Variants in PAX5 observed in about 807,000 individuals in gnomAD.
PAX5 encodes paired box protein Pax-5.
In PAX5, 9 loss-of-function variants were observed where a neutral mutation model predicts 43.7. That is an observed-to-expected ratio of 0.21 (90% CI 0.12 to 0.36). The LOEUF (loss-of-function observed/expected upper bound fraction) is 0.36. Ranked by LOEUF, PAX5 falls within the 10% of genes least tolerant of loss-of-function variation. The pLI, the probability that PAX5 is intolerant of heterozygous loss-of-function variation, is 1.00. For synonymous variants in PAX5, 228 were observed against 214.3 expected (o/e 1.06, Z -0.56); for missense variants, 383 against 532.7 (o/e 0.72, Z 2.77).
intron 8 of PAX5, among the ~76,000 whole-genome samples, chr9:36,877,596 C>T (rs888572761): frequency 6.6e-6 from 1 of 152,192 alleles, no homozygotes; most frequent in African/African-American, 2.4e-5. Context: ...AACATGCCAA[C>T]AGGCCCTCGG....
chr9:36,892,305 T>C (rs1261663528), intron 7 of PAX5, among the ~76,000 whole-genome samples: 1 of 152,220 alleles, frequency 6.6e-6, no homozygotes. Flanking sequence ...TATCTGACAC[T>C]AAGTTCTAAA....
chr9:36,840,598 C>T lies in PAX5; in HGVS notation c.1138G>A (p.Ala380Thr), dbSNP rs750525788. The T allele has an allele frequency of 7.6e-6, 12 of 1,582,256 alleles. No homozygotes were observed. The South Asian group carries it at 8.1e-5, about 11-fold the overall frequency. ...TAGGCAGTGGCGGCTGCAGGTGGGG[C>T]GGCTCCTCGGGCGGCAGCGCTATAA... ...YYYSAAARGA[A>T]PPAAATAYDR... The change falls in exon 10 of 10, where the codon GCC becomes ACC. Residue 380 changes from alanine (A) to threonine (T), a missense_variant. Ala to Thr is a moderately conservative substitution (Grantham distance 58). Around this residue, in one of 5 missense-constraint regions of PAX5, gnomAD observed 291 missense variants for 342.5 expected, o/e 0.85. Coordinates refer to ENST00000358127, the MANE Select transcript of PAX5 (RefSeq NM_016734.3).
chr9:36,917,434 C>T (rs896713926), intron 7 of PAX5, among the ~76,000 whole-genome samples: 5 of 152,226 alleles, frequency 3.3e-5, no homozygotes, highest in African/African-American at 4.8e-5. Context: ...GAATATGACC[C>T]AGTGTGGCCA....
intron 8 of PAX5, among the ~76,000 whole-genome samples, chr9:36,873,047 C>G (rs1371609276): frequency 1.3e-5 from 2 of 152,232 alleles, no homozygotes; most frequent in Non-Finnish European, 2.9e-5. Context: ...CCTTACCCAA[C>G]AATATCCCTC....
chr9:36,846,172 T>C (rs564615061), intron 9 of PAX5, among the ~76,000 whole-genome samples: 58 of 152,358 alleles, frequency 3.8e-4, no homozygotes, highest in Middle Eastern at 6.8e-3. Context: ...CTTGGCCTTT[T>C]GAAAGCTGAG....
At chr9:37,007,478 G>T (rs4880051) in intron 3 of PAX5, 91,295 of 152,022 alleles carry the variant, frequency 0.6, 27,726 homozygotes, top group Middle Eastern at 0.78. Context: ...GTTTGTAGAC[G>T]TCCAGCAAGG....
rs544618544 is a variant in PAX5, at chr9:37,034,047, C to T, written c.-16G>A. On this transcript the variant is annotated 5_prime_UTR_variant, in exon 1 of 10. Transcript: ENST00000358127. ...CTAAATCCATTTTGATTTTTCAGGA[C>T]TTGATGGAATGGACAGGGAAAAGTT... 18 of 1,495,048 alleles carry T rather than the reference C, an allele frequency of 1.2e-5. No individual in the cohort carries two copies. The Admixed American group carries it at 2.6e-4, about 22-fold the overall frequency. The allele number at this position is 1,495,048 out of a possible 1,614,324, so 92.6% of individuals were successfully genotyped here. A position where few individuals can be genotyped will look rare whatever the true frequency, so the allele number is the denominator to read the frequency against.
At chr9:36,995,988 G>A (rs570115724) in intron 5 of PAX5, among the ~76,000 whole-genome samples, 23 of 152,334 alleles carry the variant, frequency 1.5e-4, no homozygotes, top group Non-Finnish European at 2.8e-4. Context: ...AAAGTGAGTG[G>A]CCCTTCATTC....
chr9:37,027,620 C>A (rs1205796052), intron 1 of PAX5, among the ~76,000 whole-genome samples: 1 of 152,214 alleles, frequency 6.6e-6, no homozygotes, highest in East Asian at 1.9e-4. Context: ...CCGCCGCCGC[C>A]GTCGCTAGCC....
chr9:36,837,440 G>A lies in PAX5; in HGVS notation c.*3120C>T. 1 of 233,308 alleles carries A rather than the reference G, an allele frequency of 4.3e-6. No homozygotes were observed. The highest frequency in any genetic ancestry group is 6.0e-5 in the East Asian group (1 of 16,586). 14.5% of individuals were successfully genotyped at this position (233,308 alleles called of 1,614,324 possible). A position where few individuals can be genotyped will look rare whatever the true frequency, so the allele number is the denominator to read the frequency against. On this transcript the variant is annotated 3_prime_UTR_variant, in exon 10 of 10. Transcript: ENST00000358127. Reference sequence around the variant, plus strand: ...AAATCCACAATGTCCTTTTCCAAAAGTCAGAGCTCGAACACAGGGAAGAAG... The same window carrying A: ...AAATCCACAATGTCCTTTTCCAAAAATCAGAGCTCGAACACAGGGAAGAAG...
chr9:36,836,162 T>A lies in PAX5; in HGVS notation c.*4398A>T, dbSNP rs2131552107. On this transcript the variant is annotated 3_prime_UTR_variant, in exon 10 of 10. Coordinates refer to ENST00000358127, the MANE Select transcript of PAX5 (RefSeq NM_016734.3). ...CACATCTGAGTCTCTTCCCTGCACA[T>A]GTGAAAGGTGCCCAAGCAGCACTGA... is the stretch of plus-strand genomic sequence containing the variant. The A allele has an allele frequency of 4.3e-6, 1 of 233,478 alleles. No homozygotes were observed. Among genetic ancestry groups the A allele is most frequent in the South Asian group, 1.8e-4 (1 of 5,528 alleles). The allele number at this position is 233,478 out of a possible 1,614,324, so 14.5% of individuals were successfully genotyped here. A position where few individuals can be genotyped will look rare whatever the true frequency, so the allele number is the denominator to read the frequency against.
intron 8 of PAX5, among the ~76,000 whole-genome samples, chr9:36,858,864 G>T (rs575628398): frequency 6.6e-6 from 1 of 152,298 alleles, no homozygotes; most frequent in Non-Finnish European, 1.5e-5. Flanking sequence ...TGGGCTCAGC[G>T]CTGAGGCCTG....
intron 5 of PAX5, among the ~76,000 whole-genome samples, chr9:37,001,465 G>T (rs932867640): frequency 6.6e-6 from 1 of 152,218 alleles, no homozygotes; most frequent in South Asian, 2.1e-4. Context: ...ACACAGCACC[G>T]CAGCCTACTG....
intron 5 of PAX5, among the ~76,000 whole-genome samples, chr9:36,972,551 C>T (rs1835005325): frequency 6.6e-6 from 1 of 152,166 alleles, no homozygotes; most frequent in Non-Finnish European, 1.5e-5. Context: ...GACTCCCTGG[C>T]TATGATCCAT....
At chr9:36,980,458 C>T (rs546614500) in intron 5 of PAX5, among the ~76,000 whole-genome samples, 2 of 152,116 alleles carry the variant, frequency 1.3e-5, no homozygotes, top group South Asian at 4.2e-4. Context: ...GGCTTTGGGC[C>T]ACCCACTGCA....
chr9:36,993,373 T>C (rs1303827127), intron 5 of PAX5, among the ~76,000 whole-genome samples: 1 of 152,268 alleles, frequency 6.6e-6, no homozygotes, highest in East Asian at 1.9e-4. Context: ...AAGTCCTTGA[T>C]AATTTTTAAG....
intron 7 of PAX5, among the ~76,000 whole-genome samples, chr9:36,917,750 A>G (rs2131939032): frequency 6.6e-6 from 1 of 152,376 alleles, no homozygotes; most frequent in Non-Finnish European, 1.5e-5. Flanking sequence ...GCATTTTTTA[A>G]CAAATGGAAG....
chr9:37,005,550 G>T (rs2132418744), intron 4 of PAX5, among the ~76,000 whole-genome samples: 1 of 152,304 alleles, frequency 6.6e-6, no homozygotes, highest in South Asian at 2.1e-4. Flanking sequence ...ATTTTACTGG[G>T]TGAGGTAATG....
chr9:36,991,006 G>A (rs1836886161), intron 5 of PAX5, among the ~76,000 whole-genome samples: 1 of 151,980 alleles, frequency 6.6e-6, no homozygotes, highest in African/African-American at 2.4e-5. Context: ...GCTACTCCGA[G>A]GCTGAGCTGG....
Sources: gnomAD v4.1 joint callset for allele counts (sites outside exome capture counted in the v4.1 genomes callset) on GRCh38, gnomAD v4.1.1 for gene constraint, gnomAD v4.1.1 regional missense constraint, MANE v1.5 for transcripts, NCBI Gene and HGNC (gene_info 2026-07-23, HGNC 2026-07-21) for gene names.